UHRF2: variants seen among roughly 807,000 people sequenced by gnomAD.
The protein encoded by UHRF2 is E3 ubiquitin-protein ligase UHRF2.
A neutral mutation model predicts 96.8 loss-of-function variants in UHRF2; 23 were observed. The ratio of observed to expected loss-of-function variants is 0.24; its 90% confidence interval spans 0.17 to 0.34. The LOEUF is 0.34. Among genes scored for constraint, UHRF2 ranks in the 10% least tolerant of loss-of-function variants. The pLI is 1.00. For missense variants in UHRF2, 685 were observed against 981.5 expected (o/e 0.70, Z 4.04); for synonymous variants, 385 against 332.6 (o/e 1.16, Z -1.72).
chr9:6,454,529 G>A (rs1338536640), intron 3 of UHRF2, among the ~76,000 whole-genome samples: 3 of 152,170 alleles, frequency 2.0e-5, no homozygotes, highest in African/African-American at 7.2e-5. Flanking sequence ...CGTGAACACA[G>A]AGTGGCTTTT....
intron 4 of UHRF2, among the ~76,000 whole-genome samples, chr9:6,466,918 A>T (rs184672209): frequency 6.6e-6 from 1 of 152,356 alleles, no homozygotes; most frequent in African/African-American, 2.4e-5. Flanking sequence ...CCCTTTTTAA[A>T]ATCACATACA....
At position 6,468,671 on chromosome 9, in the gene UHRF2, A is replaced by G. The variant is rs145645914; in HGVS notation, c.864-6720A>G. Reference sequence around the variant, plus strand: ...TTTCACCTTTGGGCTTTGGTTGAATACTGGACTTCTGCTGGACAAGAGGCT... The same window carrying G: ...TTTCACCTTTGGGCTTTGGTTGAATGCTGGACTTCTGCTGGACAAGAGGCT... On this transcript the variant is annotated intron_variant, in intron 4 of 15. Coordinates refer to ENST00000276893, the MANE Select transcript of UHRF2 (RefSeq NM_152896.3). 630 of 456,078 alleles carry G rather than the reference A, an allele frequency of 1.4e-3. 3 individuals carry two copies. In the Middle Eastern group the frequency reaches 0.021, roughly 15 times the overall value. 28.3% of individuals were successfully genotyped at this position (456,078 alleles called of 1,614,324 possible).
chr9:6,441,516 G>C (rs1821160930), intron 3 of UHRF2, among the ~76,000 whole-genome samples: 1 of 152,140 alleles, frequency 6.6e-6, no homozygotes, highest in African/African-American at 2.4e-5. Context: ...GAGTGGCTCT[G>C]ATGCATACTC....
chr9:6,439,260 C>A (rs766047161), intron 3 of UHRF2, among the ~76,000 whole-genome samples: 2 of 152,214 alleles, frequency 1.3e-5, no homozygotes, highest in Non-Finnish European at 2.9e-5. Context: ...TCTTGACTCA[C>A]TGCAACTTCT....
intron 1 of UHRF2, among the ~76,000 whole-genome samples, chr9:6,418,490 G>C (rs910718286): frequency 1.3e-5 from 2 of 151,682 alleles, no homozygotes; most frequent in African/African-American, 4.9e-5. Flanking sequence ...GTGCTTGTTG[G>C]GTTCTTGGAC....
chr9:6,436,674 C>T (rs1412112103), intron 3 of UHRF2, among the ~76,000 whole-genome samples: 1 of 152,118 alleles, frequency 6.6e-6, no homozygotes, highest in East Asian at 1.9e-4. Context: ...CTTAAAGTTG[C>T]TTTTGAAGTA....
At chr9:6,413,670 C>G (rs749483905) in intron 1 of UHRF2, 27 bp downstream of exon 1, 3 of 1,544,060 alleles carry the variant, frequency 1.9e-6, no homozygotes, top group East Asian at 2.5e-5. Flanking sequence ...GCGCCCCTAG[C>G]GAGGCTGGGG....
At chr9:6,481,876 T>TATTA in intron 7 of UHRF2, 110 bp downstream of exon 7, 1 of 1,528,418 alleles carries the variant, frequency 6.5e-7, no homozygotes, top group Non-Finnish European at 8.9e-7. Context: ...TATTTGTTAA[T>TATTA]ATCAATGGTA....
At position 6,413,455 on chromosome 9, in the gene UHRF2, G is replaced by T. The variant is rs370826189; in HGVS notation, c.-36G>T. ...GGGCGCGGCGCCCAGAGCTCAGGGG[G>T]AGACAAAGGGGACCGGTTCCTCTCT... On this transcript the variant is annotated 5_prime_UTR_variant, in exon 1 of 16. Coordinates refer to ENST00000276893, the MANE Select transcript of UHRF2 (RefSeq NM_152896.3). 1 of 1,479,072 alleles carries T rather than the reference G, an allele frequency of 6.8e-7. No individual in the cohort carries two copies. Among genetic ancestry groups the T allele is most frequent in the Non-Finnish European group, 9.1e-7 (1 of 1,103,112 alleles). The allele number at this position is 1,479,072 out of a possible 1,614,324, so 91.6% of individuals were successfully genotyped here. A position where few individuals can be genotyped will look rare whatever the true frequency, so the allele number is the denominator to read the frequency against.
chr9:6,492,507 G>A (rs898902464), intron 9 of UHRF2: 2 of 331,852 alleles, frequency 6.0e-6, no homozygotes, highest in African/African-American at 4.5e-5. Context: ...TTAACAAAAG[G>A]TGAAAGTAAA....
intron 5 of UHRF2, among the ~76,000 whole-genome samples, chr9:6,476,095 A>AT (rs1295790601): frequency 1.3e-5 from 2 of 151,776 alleles, no homozygotes; most frequent in African/African-American, 2.4e-5. Flanking sequence ...CACAAGATCA[A>AT]TTTTTTTTGG....
At chr9:6,482,200 C>G (rs1823968513) in intron 8 of UHRF2, 101 bp downstream of exon 8, 1 of 940,516 alleles carries the variant, frequency 1.1e-6, no homozygotes. Context: ...ACATGACATT[C>G]ACTTGTTAGA....
chr9:6,420,299 C>T (rs983799471), intron 1 of UHRF2, among the ~76,000 whole-genome samples: 2 of 151,864 alleles, frequency 1.3e-5, no homozygotes, highest in Non-Finnish European at 2.9e-5. Flanking sequence ...TCGTCATCTG[C>T]TCTTTTCGGC....
At chr9:6,482,194 G>A in intron 8 of UHRF2, 95 bp downstream of exon 8, 1 of 977,692 alleles carries the variant, frequency 1.0e-6, no homozygotes, top group Non-Finnish European at 1.6e-6. Context: ...CCTAACACAT[G>A]ACATTCACTT....
At chr9:6,449,031 C>A (rs373596604) in intron 3 of UHRF2, among the ~76,000 whole-genome samples, 1 of 152,204 alleles carries the variant, frequency 6.6e-6, no homozygotes, top group African/African-American at 2.4e-5. Flanking sequence ...CCTTTACCAG[C>A]ACCTTTGAGC....
intron 3 of UHRF2, among the ~76,000 whole-genome samples, chr9:6,452,273 C>T (rs1035000906): frequency 3.3e-5 from 5 of 152,102 alleles, no homozygotes; most frequent in African/African-American, 1.2e-4. Context: ...ATCTTTTCAT[C>T]AGGATTTTAT....
chr9:6,440,067 A>G (rs1054120127), intron 3 of UHRF2, among the ~76,000 whole-genome samples: 1 of 152,338 alleles, frequency 6.6e-6, no homozygotes, highest in South Asian at 2.1e-4. Context: ...TAGTTAAGAT[A>G]TTAAAAGTTA....
At chr9:6,449,915 G>C (rs540357787) in intron 3 of UHRF2, among the ~76,000 whole-genome samples, 30 of 152,316 alleles carry the variant, frequency 2.0e-4, no homozygotes, top group Middle Eastern at 3.4e-3. Flanking sequence ...ATGACTCTTA[G>C]AGAGCTTGTG....
At chr9:6,422,940 C>A (rs1040267648) in intron 2 of UHRF2, 1 of 328,196 alleles carries the variant, frequency 3.0e-6, no homozygotes, top group Non-Finnish European at 5.5e-6. Flanking sequence ...GCTTTTGTAA[C>A]CAGCAACCTT....
Sources: gnomAD v4.1 joint callset for allele counts (sites outside exome capture counted in the v4.1 genomes callset) on GRCh38, gnomAD v4.1.1 for gene constraint, MANE v1.5 for transcripts, NCBI Gene and HGNC (gene_info 2026-07-23, HGNC 2026-07-21) for gene names.